The following KIAA1217 variants were observed in gnomAD, a reference collection of about 807,000 sequenced individuals.
The protein encoded by KIAA1217 is KIAA1217.
Under a neutral mutation model 163.9 loss-of-function variants are expected in KIAA1217, and 88 were observed. The ratio of observed to expected loss-of-function variants is 0.54; its 90% CI spans 0.45 to 0.64. The LOEUF (loss-of-function observed/expected upper bound fraction) is 0.64, where lower values mean the gene tolerates loss of function less well. KIAA1217 is among the 30% of genes least tolerant of loss of function. KIAA1217 has a pLI of 0.00. For missense variants in KIAA1217, 2,372 were observed against 2,475.0 expected (o/e 0.96, Z 0.88); for synonymous variants, 903 against 923.1 (o/e 0.98, Z 0.39).
At chr10:24,139,747 G>C (rs557441608) in intron 2 of KIAA1217, among the ~76,000 whole-genome samples, 41 of 152,232 alleles carry the variant, frequency 2.7e-4, no homozygotes, top group African/African-American at 9.1e-4. Flanking sequence ...ATATACAGTA[G>C]TCCCCACTTA....
chr10:24,473,706 C>T lies in KIAA1217; in HGVS notation c.1325C>T (p.Ala442Val), dbSNP rs763266855. ...GCTTATTGTAACCCCTCAATGCAAGCGGAAATGCATATGGAACAATCACTG... is the reference window on the plus strand; with the variant it reads ...GCTTATTGTAACCCCTCAATGCAAGTGGAAATGCATATGGAACAATCACTG... ...ASAYCNPSMQ[A>V]EMHMEQSLYR... Residue 442 changes from alanine to valine, a missense_variant, in exon 6 of 21, where the codon GCG (alanine) becomes GTG (valine). Transcript: ENST00000376454. The T allele has an allele frequency of 3.7e-6, 6 of 1,613,884 alleles. No individual in the cohort carries two copies. In the African/African-American group the frequency reaches 5.3e-5, roughly 14 times the overall value.
chr10:24,037,139 G>A (rs560573117), intron 2 of KIAA1217, among the ~76,000 whole-genome samples: 4 of 152,058 alleles, frequency 2.6e-5, no homozygotes, highest in East Asian at 3.9e-4. Context: ...GGTCATTGTG[G>A]GGAGATACTA....
intron 1 of KIAA1217, among the ~76,000 whole-genome samples, chr10:23,747,789 C>T (rs972228352): frequency 2.0e-5 from 3 of 152,148 alleles, no homozygotes; most frequent in African/African-American, 4.8e-5. Flanking sequence ...TGCTGAGCTC[C>T]GGGGATTGTT....
Position 24,521,865 on chromosome 10 carries a change from C to A in KIAA1217, c.2392C>A (p.His798Asn). Residue 798 changes from histidine to asparagine, a missense_variant, in exon 12 of 21, where the codon CAC (histidine) becomes AAC (asparagine). His to Asn is a moderately conservative substitution (Grantham distance 68, BLOSUM62 1). Coordinates refer to ENST00000376454, the MANE Select transcript of KIAA1217 (RefSeq NM_019590.5). Reference sequence around the variant, plus strand: ...CGTGCGGTTTCTGAAGGAGGAGCCACACAAGCTGGACAGTCTCCTGAAGCG... The same window carrying A: ...CGTGCGGTTTCTGAAGGAGGAGCCAAACAAGCTGGACAGTCTCCTGAAGCG... The part of the protein sequence containing the change: ...EAVRFLKEEP[H>N]KLDSLLKRVR... The A allele has an allele frequency of 6.2e-7, 1 of 1,613,908 alleles. No homozygotes were observed. Among genetic ancestry groups the A allele is most frequent in the Non-Finnish European group, 8.5e-7 (1 of 1,180,034 alleles).
intron 2 of KIAA1217, among the ~76,000 whole-genome samples, chr10:24,196,206 G>C (rs961554965): frequency 1.3e-5 from 2 of 151,362 alleles, no homozygotes; most frequent in Non-Finnish European, 2.9e-5. Context: ...TTACATTAAA[G>C]GCTTTATTGT....
At chr10:24,264,765 TTCTCTCTCTCTCTCTCTC>T (rs55761615) in intron 2 of KIAA1217, among the ~76,000 whole-genome samples, 3 of 131,924 alleles carry the variant, frequency 2.3e-5, no homozygotes, top group Middle Eastern at 3.9e-3. Context: ...CGGTCGGTCT[TTCTCTCTCTCTCTCTCTC>T]TCTCTCTCTC....
intron 1 of KIAA1217, among the ~76,000 whole-genome samples, chr10:23,915,903 T>C (rs1479930785): frequency 6.6e-6 from 1 of 152,116 alleles, no homozygotes; most frequent in Non-Finnish European, 1.5e-5. Flanking sequence ...TTGGTTAATA[T>C]GGGGGAAGGG....
intron 1 of KIAA1217, among the ~76,000 whole-genome samples, chr10:23,770,878 G>T (rs1834765200): frequency 6.6e-6 from 1 of 152,216 alleles, no homozygotes; most frequent in South Asian, 2.1e-4. Context: ...ATGGCTTGCA[G>T]TATTGGTGCT....
chr10:24,413,535 T>C (rs2057985894), intron 3 of KIAA1217, among the ~76,000 whole-genome samples: 1 of 152,166 alleles, frequency 6.6e-6, no homozygotes, highest in South Asian at 2.1e-4. Context: ...CCTCTGCTCA[T>C]AATCCTCTGT....
At chr10:24,073,435 A>G (rs2061259544) in intron 2 of KIAA1217, among the ~76,000 whole-genome samples, 1 of 152,230 alleles carries the variant, frequency 6.6e-6, no homozygotes, top group Admixed American at 6.5e-5. Context: ...TCCCGGAACC[A>G]GCTGGATATA....
intron 2 of KIAA1217, among the ~76,000 whole-genome samples, chr10:24,093,931 G>A (rs1430079595): frequency 6.6e-6 from 1 of 151,542 alleles, no homozygotes; most frequent in African/African-American, 2.4e-5. Context: ...ATAGTTTACT[G>A]AGAATGATGA....
intron 2 of KIAA1217, among the ~76,000 whole-genome samples, chr10:24,171,872 T>C (rs1377882685): frequency 6.6e-6 from 1 of 152,128 alleles, no homozygotes; most frequent in Non-Finnish European, 1.5e-5. Flanking sequence ...TCAAAAATCA[T>C]AGCAAAAAGC....
chr10:23,864,756 A>G (rs1840110806), intron 1 of KIAA1217, among the ~76,000 whole-genome samples: 1 of 152,118 alleles, frequency 6.6e-6, no homozygotes, highest in Non-Finnish European at 1.5e-5. Context: ...AGAGAACATT[A>G]TTTATTTTAA....
At chr10:23,989,452 A>G (rs1846121099) in intron 1 of KIAA1217, among the ~76,000 whole-genome samples, 1 of 152,184 alleles carries the variant, frequency 6.6e-6, no homozygotes, top group African/African-American at 2.4e-5. Context: ...TAATGTTGAT[A>G]AACTTGGGGA....
chr10:23,959,149 A>G (rs1204631930), intron 1 of KIAA1217, among the ~76,000 whole-genome samples: 2 of 152,042 alleles, frequency 1.3e-5, no homozygotes, highest in East Asian at 3.9e-4. Context: ...TGAATAGGTC[A>G]TATTTGGGGG....
intron 2 of KIAA1217, chr10:24,255,255 C>T (rs2131593751): frequency 7.2e-6 from 2 of 276,254 alleles, no homozygotes; most frequent in Middle Eastern, 1.4e-3. Flanking sequence ...GTGTCCACAT[C>T]CGGATTTACC....
At chr10:23,904,677 A>G (rs1189545650) in intron 1 of KIAA1217, among the ~76,000 whole-genome samples, 1 of 152,134 alleles carries the variant, frequency 6.6e-6, no homozygotes, top group African/African-American at 2.4e-5. Flanking sequence ...TCATTGGCCC[A>G]AGCAAGTCAC....
At chr10:24,250,614 G>T (rs78314749) in intron 2 of KIAA1217, among the ~76,000 whole-genome samples, 58,768 of 68,488 alleles carry the variant, frequency 0.86, 24,528 homozygotes, top group African/African-American at 0.89. Flanking sequence ...TTTTTTTTTT[G>T]TATTGTTAAT....
At chr10:24,179,877 C>G (rs969830412) in intron 2 of KIAA1217, among the ~76,000 whole-genome samples, 2 of 152,150 alleles carry the variant, frequency 1.3e-5, no homozygotes, top group Admixed American at 6.5e-5. Flanking sequence ...CATGAGCCAC[C>G]ATGCCTGGTC....
Sources: gnomAD v4.1 joint callset for allele counts (sites outside exome capture counted in the v4.1 genomes callset) on GRCh38, gnomAD v4.1.1 for gene constraint, MANE v1.5 for transcripts, NCBI Gene and HGNC (gene_info 2026-07-23, HGNC 2026-07-21) for gene names.